GRIK1: variants seen among roughly 807,000 people sequenced by gnomAD.
GRIK1 encodes glutamate receptor ionotropic, kainate 1.
Under a neutral mutation model 105.7 loss-of-function variants are expected in GRIK1, and 69 were observed. That is an observed-to-expected ratio of 0.65 (90% CI 0.54 to 0.80). The LOEUF (loss-of-function observed/expected upper bound fraction) is 0.80. Ranked by LOEUF, GRIK1 falls within the 30% of genes least tolerant of loss-of-function variation. The pLI, the probability that GRIK1 is intolerant of heterozygous loss-of-function variation, is 0.00. For synonymous variants in GRIK1, 438 were observed against 431.3 expected, an observed-to-expected ratio of 1.02 and a Z score of -0.19; for missense variants, 1,109 against 1,167.3, an observed-to-expected ratio of 0.95 and a Z score of 0.73.
Position 29,923,557 on chromosome 21 carries a change from A to G in GRIK1, c.118+15826T>C, listed in dbSNP as rs997128228. Among the ~76,000 whole-genome samples the G allele has an allele frequency of 4.6e-5, 7 of 152,316 alleles. No homozygotes were observed. In the East Asian group the frequency reaches 9.7e-4, roughly 21 times the overall value. On this transcript the variant is annotated intron_variant, in intron 1 of 17. Transcript: ENST00000327783. ...AGTGTTTCCTTTCTCTCAGAAAAAAAGGCAAGAAATTGAACAAAAGTTAAA... is the reference window on the plus strand; with the variant it reads ...AGTGTTTCCTTTCTCTCAGAAAAAAGGGCAAGAAATTGAACAAAAGTTAAA...
chr21:29,936,944 C>T (rs759907267), intron 1 of GRIK1, among the ~76,000 whole-genome samples: 1 of 152,104 alleles, frequency 6.6e-6, no homozygotes. Context: ...AAAAAACATG[C>T]CAGTTAATAA....
chr21:29,606,018 CAA>C (rs34512911), intron 7 of GRIK1, among the ~76,000 whole-genome samples: 62,061 of 127,924 alleles, frequency 0.49, 16,051 homozygotes, highest in African/African-American at 0.76. Flanking sequence ...GAAAATGAAG[CAA>C]AAAAAAAAAA....
At chr21:29,688,448 C>T (rs2063525634) in intron 3 of GRIK1, among the ~76,000 whole-genome samples, 1 of 152,086 alleles carries the variant, frequency 6.6e-6, no homozygotes, top group African/African-American at 2.4e-5. Flanking sequence ...ACTTTACTAA[C>T]TTTCACTTGT....
intron 1 of GRIK1, among the ~76,000 whole-genome samples, chr21:29,697,197 A>AT (rs1174379206): frequency 6.6e-6 from 1 of 152,236 alleles, no homozygotes; most frequent in Non-Finnish European, 1.5e-5. Context: ...CCCTTGGAGA[A>AT]TTGCTCTATA....
At chr21:29,720,904 A>G (rs578160784) in intron 1 of GRIK1, among the ~76,000 whole-genome samples, 54 of 152,286 alleles carry the variant, frequency 3.5e-4, no homozygotes, top group African/African-American at 1.3e-3. Context: ...AAAGGAATGC[A>G]ATATTCTAGA....
intron 15 of GRIK1, 150 bp from the exon 16 acceptor site, chr21:29,555,452 TC>T: frequency 1.4e-6 from 1 of 691,284 alleles, no homozygotes; most frequent in Non-Finnish European, 2.4e-6. Flanking sequence ...GAAAGTTCAC[TC>T]CTATATTTTG....
Position 29,609,124 on chromosome 21 carries a change from G to A in GRIK1, c.1099-10187C>T, listed in dbSNP as rs1304535529. Among the ~76,000 whole-genome samples, 4 of 148,830 alleles carry A rather than the reference G, an allele frequency of 2.7e-5. No homozygotes were observed. The East Asian group carries it at 7.8e-4, about 29-fold the overall frequency. On this transcript the variant is annotated intron_variant, in intron 7 of 17. Coordinates refer to ENST00000327783, the MANE Select transcript of GRIK1 (RefSeq NM_001330994.2). ...TAAATAATAATAAATAAGATAAAAA[G>A]GTATTATTAAATAATAAGATAATAA...
intron 14 of GRIK1, among the ~76,000 whole-genome samples, chr21:29,563,744 T>C (rs1173296817): frequency 6.6e-6 from 1 of 152,204 alleles, no homozygotes; most frequent in South Asian, 2.1e-4. Flanking sequence ...TAATTTTCTT[T>C]GAAGTATAAA....
At chr21:29,567,385 A>G (rs773752031) in intron 14 of GRIK1, among the ~76,000 whole-genome samples, 2 of 152,112 alleles carry the variant, frequency 1.3e-5, no homozygotes, top group Non-Finnish European at 2.9e-5. Flanking sequence ...TAAGACTTTC[A>G]CAGTTAGGAT....
chr21:29,907,086 C>T (rs2070668962), intron 1 of GRIK1, among the ~76,000 whole-genome samples: 1 of 150,538 alleles, frequency 6.6e-6, no homozygotes, highest in Non-Finnish European at 1.5e-5. Context: ...CATGCACCTT[C>T]AATTCACTTC....
intron 1 of GRIK1, among the ~76,000 whole-genome samples, chr21:29,925,117 T>C (rs531437964): frequency 6.6e-6 from 1 of 152,352 alleles, no homozygotes; most frequent in African/African-American, 2.4e-5. Context: ...GTATTGAGCA[T>C]TTCATAAGAA....
In GRIK1 at chr21:29,640,379, T is replaced by G. The variant is rs181832608; in HGVS notation, c.1098+2447A>C. Among the ~76,000 whole-genome samples the G allele has an allele frequency of 7.8e-3, 1,183 of 152,272 alleles. 13 individuals are homozygous for G. The highest frequency in any genetic ancestry group is 0.027 in the African/African-American group (1,115 of 41,562). ...TTGCTTCTGGTTACCCCATTCCATC[T>G]TCTCTGTAGGTACCTACACCCTGCC... On this transcript the variant is annotated intron_variant, in intron 7 of 17. Coordinates refer to ENST00000327783, the MANE Select transcript of GRIK1 (RefSeq NM_001330994.2).
chr21:29,749,379 C>T (rs543379935), intron 1 of GRIK1, among the ~76,000 whole-genome samples: 2 of 152,328 alleles, frequency 1.3e-5, no homozygotes, highest in African/African-American at 4.8e-5. Context: ...GCTTTGTCAC[C>T]GATCTAACGT....
intron 1 of GRIK1, among the ~76,000 whole-genome samples, chr21:29,819,969 C>T (rs772057422): frequency 1.3e-5 from 2 of 151,748 alleles, no homozygotes; most frequent in African/African-American, 4.8e-5. Context: ...AGAGGCTAGG[C>T]GTTCTGTTTT....
intron 1 of GRIK1, among the ~76,000 whole-genome samples, chr21:29,866,605 T>G (rs1025907875): frequency 6.6e-6 from 1 of 152,148 alleles, no homozygotes; most frequent in Non-Finnish European, 1.5e-5. Flanking sequence ...GGGGGACTTT[T>G]GGATCTAAAA....
chr21:29,783,952 A>T (rs2066191811), intron 1 of GRIK1, among the ~76,000 whole-genome samples: 1 of 152,102 alleles, frequency 6.6e-6, no homozygotes, highest in Non-Finnish European at 1.5e-5. Flanking sequence ...TTTTTTTTAG[A>T]CGGAGTCTCG....
At chr21:29,624,306 C>G (rs376839457) in intron 7 of GRIK1, among the ~76,000 whole-genome samples, 1 of 152,090 alleles carries the variant, frequency 6.6e-6, no homozygotes. Flanking sequence ...GACTAGACTA[C>G]TTGAGTGAAT....
intron 13 of GRIK1, among the ~76,000 whole-genome samples, chr21:29,578,037 A>C (rs565818374): frequency 2.0e-4 from 30 of 152,352 alleles, no homozygotes; most frequent in Middle Eastern, 3.4e-3. Flanking sequence ...TAAAAGACAA[A>C]CATCTTGAAA....
At chr21:29,810,771 C>T (rs963619100) in intron 1 of GRIK1, among the ~76,000 whole-genome samples, 1 of 152,006 alleles carries the variant, frequency 6.6e-6, no homozygotes, top group Non-Finnish European at 1.5e-5. Flanking sequence ...AAAATTCTGC[C>T]GTGATGCCTG....
Sources: gnomAD v4.1 joint callset for allele counts (sites outside exome capture counted in the v4.1 genomes callset) on GRCh38, gnomAD v4.1.1 for gene constraint, MANE v1.5 for transcripts, NCBI Gene and HGNC (gene_info 2026-07-23, HGNC 2026-07-21) for gene names.